The following ERBB4 variants were observed in gnomAD, a reference collection of about 807,000 sequenced individuals.
ERBB4 encodes erb-b2 receptor tyrosine kinase 4, also known as receptor tyrosine-protein kinase erbB-4.
A neutral mutation model predicts 158.0 loss-of-function variants in ERBB4; 42 were observed. The observed-to-expected ratio is 0.27, with a 90% CI of 0.21 to 0.34. ERBB4 has a LOEUF of 0.34. Among genes scored for constraint, ERBB4 ranks in the 10% least tolerant of loss-of-function variants. The pLI, the probability that ERBB4 is intolerant of heterozygous loss-of-function variation, is 1.00. For synonymous variants in ERBB4, 583 were observed against 558.7 expected (o/e 1.04, Z -0.61); for missense variants, 1,333 against 1,624.1 (o/e 0.82, Z 3.08).
chr2:212,001,295 A>G (rs1045188145), intron 2 of ERBB4, among the ~76,000 whole-genome samples: 1 of 152,056 alleles, frequency 6.6e-6, no homozygotes, highest in Admixed American at 6.6e-5. Context: ...AAACTTCTTA[A>G]TTCCTTAAAG....
chr2:211,685,089 TTCTTA>T (rs1236114665), intron 12 of ERBB4, among the ~76,000 whole-genome samples: 78 of 152,360 alleles, frequency 5.1e-4, no homozygotes, highest in African/African-American at 1.6e-3. Context: ...TATACTTTCA[TTCTTA>T]TCTTAGGATA....
intron 12 of ERBB4, among the ~76,000 whole-genome samples, chr2:211,692,890 A>G (rs2072875649): frequency 6.6e-6 from 1 of 152,188 alleles, no homozygotes; most frequent in African/African-American, 2.4e-5. Context: ...CTCTGTGTGT[A>G]GGCAAGGTTA....
At chr2:212,076,541 T>A (rs1301259762) in intron 2 of ERBB4, among the ~76,000 whole-genome samples, 1 of 151,932 alleles carries the variant, frequency 6.6e-6, no homozygotes, top group Non-Finnish European at 1.5e-5. Flanking sequence ...GAGAGAAAAG[T>A]AAACAAACAA....
intron 1 of ERBB4, among the ~76,000 whole-genome samples, chr2:212,536,671 T>C (rs1023368388): frequency 2.0e-5 from 3 of 152,194 alleles, no homozygotes; most frequent in Non-Finnish European, 4.4e-5. Context: ...ATTACATTCC[T>C]TGCAGAAATT....
chr2:211,848,402 T>C (rs538471625), intron 3 of ERBB4, among the ~76,000 whole-genome samples: 2 of 152,236 alleles, frequency 1.3e-5, no homozygotes, highest in African/African-American at 4.8e-5. Flanking sequence ...CCTGGAATCA[T>C]GGCCTGTCTT....
chr2:211,462,125 G>C (rs914013534), intron 20 of ERBB4, among the ~76,000 whole-genome samples: 1 of 151,936 alleles, frequency 6.6e-6, no homozygotes, highest in East Asian at 1.9e-4. Context: ...TTGGCTTCTC[G>C]GGGAGATCTC....
At chr2:211,986,632 G>A (rs2081943482) in intron 2 of ERBB4, among the ~76,000 whole-genome samples, 1 of 152,050 alleles carries the variant, frequency 6.6e-6, no homozygotes, top group African/African-American at 2.4e-5. Context: ...GGGCTCTAGG[G>A]CCAGATTTCC....
intron 18 of ERBB4, among the ~76,000 whole-genome samples, chr2:211,622,780 T>C (rs2069653958): frequency 6.7e-6 from 1 of 149,954 alleles, no homozygotes; most frequent in Non-Finnish European, 1.5e-5. Context: ...CTGGCCAACA[T>C]GGTGAAACCT....
chr2:212,176,170 G>A (rs1207459505), intron 1 of ERBB4, among the ~76,000 whole-genome samples: 1 of 151,882 alleles, frequency 6.6e-6, no homozygotes, highest in Admixed American at 6.6e-5. Context: ...CCCTTGCTGT[G>A]CTTGCATTCT....
At chr2:211,515,978 G>A (rs1230378018) in intron 20 of ERBB4, among the ~76,000 whole-genome samples, 1 of 136,384 alleles carries the variant, frequency 7.3e-6, no homozygotes, top group Non-Finnish European at 1.5e-5. Context: ...GCAGTGGCCT[G>A]ATCTCGACTC....
intron 1 of ERBB4, among the ~76,000 whole-genome samples, chr2:212,458,199 A>G (rs187941123): frequency 1.3e-5 from 2 of 151,978 alleles, no homozygotes; most frequent in African/African-American, 4.8e-5. Flanking sequence ...GTGGAGCAGG[A>G]GAGAATGATT....
At chr2:211,711,782 G>A (rs1428819916) in intron 9 of ERBB4, among the ~76,000 whole-genome samples, 1 of 152,072 alleles carries the variant, frequency 6.6e-6, no homozygotes, top group Non-Finnish European at 1.5e-5. Flanking sequence ...TGAAAACTGT[G>A]GATTTGAGGA....
chr2:212,193,227 T>C (rs936467262), intron 1 of ERBB4, among the ~76,000 whole-genome samples: 33 of 152,126 alleles, frequency 2.2e-4, no homozygotes, highest in African/African-American at 7.7e-4. Context: ...ATCTTGTCCA[T>C]TATGTGAATA....
intron 3 of ERBB4, among the ~76,000 whole-genome samples, chr2:211,867,270 A>G (rs2106101488): frequency 6.6e-6 from 1 of 152,298 alleles, no homozygotes; most frequent in African/African-American, 2.4e-5. Context: ...TATAAAAACA[A>G]CAGTCCAGGC....
chr2:212,080,414 G>A (rs2125465089), intron 2 of ERBB4, among the ~76,000 whole-genome samples: 1 of 150,792 alleles, frequency 6.6e-6, no homozygotes, highest in South Asian at 2.1e-4. Flanking sequence ...TACAGTTGAG[G>A]GGGAGAATTA....
chr2:212,126,358 C>G (rs1234585395), intron 1 of ERBB4, among the ~76,000 whole-genome samples: 2 of 149,978 alleles, frequency 1.3e-5, no homozygotes, highest in African/African-American at 2.5e-5. Context: ...TACTCGGGAG[C>G]CTGAGGCAGG....
At chr2:211,388,829 T>C (rs1389031271) in intron 25 of ERBB4, among the ~76,000 whole-genome samples, 1 of 152,188 alleles carries the variant, frequency 6.6e-6, no homozygotes, top group African/African-American at 2.4e-5. Context: ...TGTATAATAC[T>C]AATTCTGTTT....
intron 2 of ERBB4, among the ~76,000 whole-genome samples, chr2:212,039,975 A>G (rs1044214184): frequency 2.0e-5 from 3 of 152,118 alleles, no homozygotes; most frequent in African/African-American, 7.2e-5. Flanking sequence ...TTTATGTGGA[A>G]ACTACATAAG....
chr2:212,221,687 T>C (rs1289004215), intron 1 of ERBB4, among the ~76,000 whole-genome samples: 2 of 151,522 alleles, frequency 1.3e-5, no homozygotes, highest in Non-Finnish European at 3.0e-5. Context: ...AAATAATCCA[T>C]TTGAAAATCT....
Sources: allele counts gnomAD v4.1 joint callset (sites outside exome capture counted in the v4.1 genomes callset), GRCh38; gene constraint gnomAD v4.1.1; transcripts MANE v1.5; gene names NCBI Gene and HGNC (gene_info 2026-07-23, HGNC 2026-07-21).